The following SHISA9 variants were observed in gnomAD, a reference collection of about 807,000 sequenced individuals.
SHISA9 encodes the protein protein shisa-9.
Under a neutral mutation model 38.0 loss-of-function variants are expected in SHISA9, and 13 were observed. The ratio of observed to expected loss-of-function variants is 0.34; its 90% CI spans 0.22 to 0.54. The LOEUF (loss-of-function observed/expected upper bound fraction) is 0.54. Ranked by LOEUF, SHISA9 falls within the 20% of genes least tolerant of loss-of-function variation. The pLI is 0.91. For synonymous variants in SHISA9, 275 were observed against 242.0 expected, an observed-to-expected ratio of 1.14 and a Z score of -1.27; for missense variants, 538 against 575.8, an observed-to-expected ratio of 0.93 and a Z score of 0.67.
chr16:13,304,230 T>G, the SHISA9 span, among the ~76,000 whole-genome samples: 1 of 152,316 alleles, frequency 6.6e-6, no homozygotes, highest in South Asian at 2.1e-4. Flanking sequence ...GTGAATGAAG[T>G]CTTACACCAC....
chr16:13,143,249 A>G (rs983559180), intron 2 of SHISA9, among the ~76,000 whole-genome samples: 1 of 152,042 alleles, frequency 6.6e-6, no homozygotes, highest in Non-Finnish European at 1.5e-5. Context: ...ACCTAAGGTG[A>G]TCAACCCTCC....
intron 2 of SHISA9, among the ~76,000 whole-genome samples, chr16:13,124,562 C>A (rs1246459939): frequency 2.0e-5 from 3 of 152,164 alleles, no homozygotes; most frequent in Non-Finnish European, 4.4e-5. Flanking sequence ...GTTAATGTAA[C>A]TGTGAGCCCA....
At chr16:13,063,088 C>T (rs1011919957) in intron 2 of SHISA9, among the ~76,000 whole-genome samples, 1 of 152,110 alleles carries the variant, frequency 6.6e-6, no homozygotes. Flanking sequence ...CTCACTGCAA[C>T]CTCAGCCTCC....
intron 2 of SHISA9, among the ~76,000 whole-genome samples, chr16:12,923,009 G>A (rs1808574831): frequency 1.3e-5 from 2 of 150,558 alleles, no homozygotes; most frequent in South Asian, 4.2e-4. Flanking sequence ...TTTTATTTTT[G>A]TAGAAATGGG....
At chr16:13,285,348 A>T in the SHISA9 span, among the ~76,000 whole-genome samples, 1 of 152,140 alleles carries the variant, frequency 6.6e-6, no homozygotes, top group Non-Finnish European at 1.5e-5. Context: ...AATTGATGAA[A>T]TTTAAATTGA....
intron 3 of SHISA9, among the ~76,000 whole-genome samples, chr16:13,204,316 C>A (rs2051042533): frequency 1.3e-5 from 2 of 152,120 alleles, no homozygotes; most frequent in South Asian, 4.1e-4. Flanking sequence ...CAGCTGCTTT[C>A]TCTGACCTAG....
chr16:13,561,575 G>C, the SHISA9 span, among the ~76,000 whole-genome samples: 1 of 152,190 alleles, frequency 6.6e-6, no homozygotes, highest in African/African-American at 2.4e-5. Flanking sequence ...GCCAAAGCGT[G>C]CTGATCCTTC....
the SHISA9 span, among the ~76,000 whole-genome samples, chr16:13,489,807 A>T: frequency 3.3e-5 from 5 of 152,198 alleles, no homozygotes; most frequent in East Asian, 7.7e-4. Context: ...TATTATCTTC[A>T]TTACATAAAT....
At chr16:12,938,938 T>C (rs1348439213) in intron 2 of SHISA9, among the ~76,000 whole-genome samples, 2 of 152,216 alleles carry the variant, frequency 1.3e-5, no homozygotes, top group Non-Finnish European at 2.9e-5. Flanking sequence ...CCCTCCCATG[T>C]TGAGTATGTG....
the SHISA9 span, among the ~76,000 whole-genome samples, chr16:13,533,786 T>C: frequency 4.9e-4 from 58 of 119,012 alleles, no homozygotes; most frequent in Non-Finnish European, 1.1e-3. Flanking sequence ...TCTCAATTTT[T>C]TTTTTTTTTT....
At chr16:13,305,721 C>G in the SHISA9 span, among the ~76,000 whole-genome samples, 1 of 152,206 alleles carries the variant, frequency 6.6e-6, no homozygotes, top group Admixed American at 6.5e-5. Context: ...GGGACCCCGA[C>G]TCAAATAACC....
chr16:13,221,000 C>T (rs1296388198), intron 4 of SHISA9, among the ~76,000 whole-genome samples: 1 of 150,254 alleles, frequency 6.7e-6, no homozygotes, highest in Non-Finnish European at 1.5e-5. Flanking sequence ...CCTCCTCACT[C>T]TGGATTAATA....
chr16:13,422,910 C>T, the SHISA9 span, among the ~76,000 whole-genome samples: 2 of 152,294 alleles, frequency 1.3e-5, no homozygotes, highest in African/African-American at 4.8e-5. Flanking sequence ...AAGATTCCTC[C>T]TAACTCTAAA....
downstream of SHISA9, among the ~76,000 whole-genome samples, chr16:13,245,142 C>G (rs1368291086): frequency 6.6e-6 from 1 of 152,140 alleles, no homozygotes; most frequent in Admixed American, 6.5e-5. Flanking sequence ...GTTTTGAACT[C>G]CTGGGCTCAA....
At chr16:13,306,459 G>C in the SHISA9 span, among the ~76,000 whole-genome samples, 2 of 152,180 alleles carry the variant, frequency 1.3e-5, no homozygotes. Context: ...GAGAGAAAGA[G>C]AGAGACAGAG....
rs4464067 is a variant in SHISA9 at position 13,201,120 on chromosome 16, A to G, written c.692-2274A>G. Among the ~76,000 whole-genome samples, 281 of 135,462 alleles carry G rather than the reference A, an allele frequency of 2.1e-3. 62 individuals carry two copies. The highest frequency in any genetic ancestry group is 7.7e-3 in the African/African-American group (267 of 34,522). 88.9% of individuals were successfully genotyped at this position (135,462 alleles called of 152,430 possible). A position where few individuals can be genotyped will look rare whatever the true frequency, so the allele number is the denominator to read the frequency against. On this transcript the variant is annotated intron_variant, in intron 2 of 4. Coordinates refer to ENST00000558583, the MANE Select transcript of SHISA9 (RefSeq NM_001145204.3). ...GTAAAGTCCAGATTCAGGGGTTGTC[A>G]AACTATAGCCCTTGGGTCAAACTTG...
intron 3 of SHISA9, chr16:13,204,777 G>A (rs1249358086): frequency 6.6e-6 from 1 of 152,216 alleles, no homozygotes; most frequent in East Asian, 1.9e-4. Flanking sequence ...TTAGAAAACT[G>A]AGACTCTAAG....
chr16:13,395,763 A>G, the SHISA9 span, among the ~76,000 whole-genome samples: 2 of 152,226 alleles, frequency 1.3e-5, no homozygotes, highest in Admixed American at 1.3e-4. Flanking sequence ...AATATTTGTC[A>G]AATGAGTGCT....
At chr16:13,225,019 A>G (rs1215369852) in intron 4 of SHISA9, among the ~76,000 whole-genome samples, 1 of 152,160 alleles carries the variant, frequency 6.6e-6, no homozygotes, top group Non-Finnish European at 1.5e-5. Flanking sequence ...CATTGAGTTG[A>G]GGATATATTG....
Sources: allele counts gnomAD v4.1 joint callset (sites outside exome capture counted in the v4.1 genomes callset), GRCh38; gene constraint gnomAD v4.1.1; transcripts MANE v1.5; gene names NCBI Gene and HGNC (gene_info 2026-07-23, HGNC 2026-07-21).